The following UACA variants were observed in gnomAD, a reference collection of about 807,000 sequenced individuals.
UACA encodes the protein uveal autoantigen with coiled-coil domains and ankyrin repeats.
Under a neutral mutation model 160.5 loss-of-function variants are expected in UACA, and 112 were observed. The observed-to-expected ratio is 0.70, with a 90% CI of 0.60 to 0.82. The LOEUF (loss-of-function observed/expected upper bound fraction) is 0.82. Ranked by LOEUF, UACA falls within the 40% of genes least tolerant of loss-of-function variation. UACA has a pLI of 0.00. For missense variants in UACA, 1,574 were observed against 1,614.6 expected (o/e 0.97, Z 0.43); for synonymous variants, 557 against 568.4 (o/e 0.98, Z 0.29).
At chr15:70,684,496 A>C in intron 7 of UACA, 50 bp from the exon 8 acceptor site, 2 of 1,548,802 alleles carry the variant, frequency 1.3e-6, no homozygotes, top group Non-Finnish European at 1.7e-6. Context: ...CCAAGGAAAT[A>C]TTGCAGAAAT....
intron 17 of UACA, 88 bp from the exon 18 acceptor site, chr15:70,660,304 T>A: frequency 9.5e-7 from 1 of 1,053,274 alleles, no homozygotes; most frequent in African/African-American, 1.6e-5. Flanking sequence ...GCTACAAAAC[T>A]ATTATTATTA....
intron 3 of UACA, among the ~76,000 whole-genome samples, chr15:70,691,663 A>G (rs536996205): frequency 2.5e-4 from 38 of 152,284 alleles, no homozygotes; most frequent in Non-Finnish European, 4.3e-4. Context: ...CACAGCAGAT[A>G]ATTAAATACT....
chr15:70,735,371 A>T (rs1376184778), intron 1 of UACA, among the ~76,000 whole-genome samples: 1 of 151,856 alleles, frequency 6.6e-6, no homozygotes, highest in Non-Finnish European at 1.5e-5. Context: ...GCAGATTCAT[A>T]AACAAACACC....
At chr15:70,660,420 A>G in intron 17 of UACA, 1 of 523,388 alleles carries the variant, frequency 1.9e-6, no homozygotes, top group East Asian at 3.2e-5. Flanking sequence ...GTGGCTAATG[A>G]CAGTAATGCT....
At position 70,738,818 on chromosome 15, in the gene UACA, G is replaced by T. The variant is rs752328675; in HGVS notation, c.78+24512C>A. Reference sequence around the variant, plus strand: ...TTTATTATTACTTATGACTCTGCAGGTCAACTGAGCAGTTCTGCTGGGCTG... The same window carrying T: ...TTTATTATTACTTATGACTCTGCAGTTCAACTGAGCAGTTCTGCTGGGCTG... On this transcript the variant is annotated intron_variant, in intron 1 of 18. Transcript: ENST00000322954. 2.0e-5 allele frequency among the ~76,000 whole-genome samples: 3 copies of T among 152,178 alleles called. No homozygotes were observed. In the South Asian group the frequency reaches 6.2e-4, roughly 32 times the overall value.
At chr15:70,669,958 G>T (rs923362464) in intron 15 of UACA, among the ~76,000 whole-genome samples, 1 of 152,110 alleles carries the variant, frequency 6.6e-6, no homozygotes, top group African/African-American at 2.4e-5. Context: ...TAAGATTTTT[G>T]ACTTCTGCGT....
rs992304766 is a variant in UACA at position 70,684,198 on chromosome 15, C to T, written c.784+67G>A. On this transcript the variant is annotated intron_variant, in intron 8 of 18. Transcript: ENST00000322954. ...CTTCTTATAAACTGTAGTTCTACTA[C>T]CTAAGTCTTTTAAAAAGTGGCTCTT... is the stretch of plus-strand genomic sequence containing the variant. 7.1e-6 allele frequency: 10 copies of T among 1,407,386 alleles called. No individual in the cohort carries two copies. The African/African-American group carries it at 1.0e-4, about 14-fold the overall frequency. The allele number at this position is 1,407,386 out of a possible 1,614,324, so 87.2% of individuals were successfully genotyped here. A position where few individuals can be genotyped will look rare whatever the true frequency, so the allele number is the denominator to read the frequency against.
intron 5 of UACA, 96 bp downstream of exon 5, chr15:70,690,357 TG>T: frequency 9.3e-7 from 1 of 1,080,774 alleles, no homozygotes; most frequent in Non-Finnish European, 1.4e-6. Context: ...TGTTTCTCCA[TG>T]AATTATATAA....
Position 70,655,209 on chromosome 15 carries a change from G to A in UACA, c.*1847C>T, listed in dbSNP as rs1896447974. ...ATAAAACACTTAATATGAATACTCA[G>A]TTTTAAACTTTGCTCTAAGTTTTAT... On this transcript the variant is annotated 3_prime_UTR_variant, in exon 19 of 19. Transcript: ENST00000322954. The A allele has an allele frequency of 6.6e-6, 1 of 152,146 alleles. No individual in the cohort carries two copies. Among genetic ancestry groups the A allele is most frequent in the African/African-American group, 2.4e-5 (1 of 41,426 alleles). The allele number at this position is 152,146 out of a possible 1,614,324, so 9.4% of individuals were successfully genotyped here.
At chr15:70,738,685 T>A (rs991751261) in intron 1 of UACA, among the ~76,000 whole-genome samples, 8 of 152,186 alleles carry the variant, frequency 5.3e-5, no homozygotes, top group African/African-American at 1.9e-4. Flanking sequence ...CTATTCCCTC[T>A]ATCTGGAATT....
chr15:70,716,236 G>C (rs1292974596), intron 1 of UACA, among the ~76,000 whole-genome samples: 2 of 152,176 alleles, frequency 1.3e-5, no homozygotes. Flanking sequence ...GAGGGTAGGA[G>C]AGCATGACAG....
chr15:70,705,309 AC>A lies in UACA; in HGVS notation c.79-5650del, dbSNP rs574815660. On this transcript the variant is annotated intron_variant, in intron 1 of 18. Coordinates refer to ENST00000322954, the MANE Select transcript of UACA (RefSeq NM_018003.4). The stretch of plus-strand genomic sequence containing the variant: ...TTTGAGAGGCCAAAGCAGGCGGATC[AC>A]CTGAGGTCAGGAGCTCGAGACCAGC... 4.5e-4 allele frequency among the ~76,000 whole-genome samples: 68 copies of A among 152,238 alleles called. No individual in the cohort carries two copies. In the East Asian group the frequency reaches 0.013, roughly 29 times the overall value.
At chr15:70,737,939 C>T (rs952481214) in intron 1 of UACA, among the ~76,000 whole-genome samples, 1 of 152,154 alleles carries the variant, frequency 6.6e-6, no homozygotes, top group African/African-American at 2.4e-5. Flanking sequence ...CTTGCTTAGA[C>T]TTTTCCAATA....
intron 7 of UACA, among the ~76,000 whole-genome samples, chr15:70,687,272 T>C (rs1182895040): frequency 6.6e-6 from 1 of 152,214 alleles, no homozygotes; most frequent in African/African-American, 2.4e-5. Context: ...TCCTCTCTCC[T>C]TCAGTTCTTT....
At chr15:70,760,534 C>T (rs1362833450) in intron 1 of UACA, among the ~76,000 whole-genome samples, 1 of 152,022 alleles carries the variant, frequency 6.6e-6, no homozygotes, top group Non-Finnish European at 1.5e-5. Flanking sequence ...ACAGGCCAGG[C>T]GCAGTGGCTC....
chr15:70,657,670 T>C (rs1052036182), intron 18 of UACA, among the ~76,000 whole-genome samples: 2 of 152,128 alleles, frequency 1.3e-5, no homozygotes, highest in Non-Finnish European at 2.9e-5. Flanking sequence ...ACCTCCCTCT[T>C]TCTCTTTTTT....
At chr15:70,741,796 T>A (rs1326683165) in intron 1 of UACA, among the ~76,000 whole-genome samples, 1 of 152,222 alleles carries the variant, frequency 6.6e-6, no homozygotes, top group Non-Finnish European at 1.5e-5. Flanking sequence ...ATTCCTTCAC[T>A]ACTTTTGGTC....
At chr15:70,768,254 T>C (rs2031063184), upstream of UACA, 1 of 152,170 alleles carries the variant, frequency 6.6e-6, no homozygotes, top group Non-Finnish European at 1.5e-5. Context: ...CAATCTTGAG[T>C]TTACCACTTA....
chr15:70,721,442 G>A (rs1403696624), intron 1 of UACA, among the ~76,000 whole-genome samples: 5 of 152,038 alleles, frequency 3.3e-5, no homozygotes, highest in South Asian at 4.1e-4. Context: ...TGGCTAACAC[G>A]GTGAAACCCC....
Sources: allele counts gnomAD v4.1 joint callset (sites outside exome capture counted in the v4.1 genomes callset), GRCh38; gene constraint gnomAD v4.1.1; transcripts MANE v1.5; gene names NCBI Gene and HGNC (gene_info 2026-07-23, HGNC 2026-07-21).